The following FAM91A1 variants were observed in gnomAD, a reference collection of about 807,000 sequenced individuals.
The protein encoded by FAM91A1 is family with sequence similarity 91 member A1.
FAM91A1 carries 41 observed loss-of-function variants against 113.5 expected under a neutral mutation model. That is an observed-to-expected ratio of 0.36 (90% CI 0.28 to 0.47). FAM91A1 has a LOEUF of 0.47. Ranked by LOEUF, FAM91A1 falls within the 20% of genes least tolerant of loss-of-function variation. The probability of loss-of-function intolerance (pLI) is 1.00; values close to 1 mark genes in which losing one functional copy is unlikely to be tolerated. For synonymous variants in FAM91A1, 307 were observed against 347.9 expected, an observed-to-expected ratio of 0.88 and a Z score of 1.31; for missense variants, 696 against 1,001.2, an observed-to-expected ratio of 0.70 and a Z score of 4.11.
At chr8:123,801,154 A>G (rs1386808429) in intron 18 of FAM91A1, among the ~76,000 whole-genome samples, 1 of 152,146 alleles carries the variant, frequency 6.6e-6, no homozygotes, top group Admixed American at 6.5e-5. Flanking sequence ...GGCACTTGAT[A>G]TTATGTGGCT....
intron 15 of FAM91A1, among the ~76,000 whole-genome samples, chr8:123,795,735 G>C (rs67139073): frequency 0.26 from 39,062 of 152,074 alleles, 6,136 homozygotes; most frequent in African/African-American, 0.43. Context: ...TTTAATGCAT[G>C]CGAAAGTGTC....
chr8:123,796,003 A>C (rs77610922), intron 15 of FAM91A1, among the ~76,000 whole-genome samples: 2,475 of 152,286 alleles, frequency 0.016, 73 homozygotes, highest in African/African-American at 0.054. Context: ...TTTTCCCTGA[A>C]GTCAGGAAGT....
At chr8:123,799,420 G>A (rs371257981) in intron 16 of FAM91A1, 100 bp from the exon 17 acceptor site, 7 of 1,058,384 alleles carry the variant, frequency 6.6e-6, no homozygotes, top group East Asian at 5.2e-5. Flanking sequence ...GATAGTTGCA[G>A]TTAACATTTA....
chr8:123,774,621 T>G (rs1017634072), intron 2 of FAM91A1, among the ~76,000 whole-genome samples: 9 of 152,104 alleles, frequency 5.9e-5, no homozygotes, highest in Non-Finnish European at 1.3e-4. Flanking sequence ...TTTATCAGAT[T>G]ATTTTGGTTA....
chr8:123,784,370 C>T, intron 8 of FAM91A1, 100 bp from the exon 9 acceptor site: 9 of 793,690 alleles, frequency 1.1e-5, no homozygotes, highest in East Asian at 3.2e-5. Context: ...GCATTCAGTC[C>T]CTAAGTTAGA....
In FAM91A1 at chr8:123,793,614, G is replaced by A. The variant is rs140712469; in HGVS notation, c.1411+3869G>A. ...TTATGACATGCCTCCAGGTTTCTCC[G>A]CTAAGCAATTCTTTACTTTCTGGCC... On this transcript the variant is annotated intron_variant, in intron 15 of 23. Transcript: ENST00000334705. 2.2e-3 allele frequency among the ~76,000 whole-genome samples: 333 copies of A among 152,070 alleles called. 2 individuals carry two copies. The highest frequency in any genetic ancestry group is 7.5e-3 in the African/African-American group (311 of 41,448).
chr8:123,781,151 T>A (rs1815111039), intron 8 of FAM91A1, among the ~76,000 whole-genome samples: 1 of 152,208 alleles, frequency 6.6e-6, no homozygotes, highest in African/African-American at 2.4e-5. Flanking sequence ...ATAGGTTAGA[T>A]TTCTTACCAA....
chr8:123,789,781 A>G lies in FAM91A1; in HGVS notation c.1411+36A>G, dbSNP rs576879865. 17 of 1,595,048 alleles carry G rather than the reference A, an allele frequency of 1.1e-5. No individual in the cohort carries two copies. In the African/African-American group the frequency reaches 1.2e-4, roughly 11 times the overall value. ...TATATTTAATTTTGAAGACATGATCATATGAAACTTTTTTCTAAGAAATTA... is the reference window on the plus strand; with the variant it reads ...TATATTTAATTTTGAAGACATGATCGTATGAAACTTTTTTCTAAGAAATTA... On this transcript the variant is annotated intron_variant, in intron 15 of 23. Transcript: ENST00000334705.
chr8:123,792,111 G>A (rs1025139056), intron 15 of FAM91A1, among the ~76,000 whole-genome samples: 4 of 152,108 alleles, frequency 2.6e-5, no homozygotes, highest in African/African-American at 9.7e-5. Context: ...GGAGGCTGAG[G>A]TTGCAGTGAG....
At position 123,814,519 on chromosome 8, in the gene FAM91A1, G is replaced by T. The variant is rs1438749788; in HGVS notation, c.*1815G>T. 1.3e-5 allele frequency: 2 copies of T among 159,146 alleles called. No homozygotes were observed. The highest frequency in any genetic ancestry group is 4.8e-5 in the African/African-American group (2 of 41,476). 9.9% of individuals were successfully genotyped at this position (159,146 alleles called of 1,614,324 possible). A position where few individuals can be genotyped will look rare whatever the true frequency, so the allele number is the denominator to read the frequency against. ...GAACCCAGTTGTTGGTGAATTTAAA[G>T]CTTAAAATATGGGAATGATTTGCTG... On this transcript the variant is annotated 3_prime_UTR_variant, in exon 24 of 24. Coordinates refer to ENST00000334705, the MANE Select transcript of FAM91A1 (RefSeq NM_144963.4).
intron 19 of FAM91A1, 79 bp from the exon 20 acceptor site, chr8:123,805,999 TTG>T: frequency 7.6e-7 from 1 of 1,313,876 alleles, no homozygotes; most frequent in South Asian, 2.1e-5. Context: ...GTTCTAAGAG[TTG>T]TTTAATAAAG....
intron 14 of FAM91A1, among the ~76,000 whole-genome samples, 187 bp downstream of exon 14, chr8:123,787,937 A>C (rs561329859): frequency 6.6e-6 from 1 of 152,246 alleles, no homozygotes; most frequent in East Asian, 1.9e-4. Context: ...GGGTGAATTG[A>C]TTTTGTGATT....
intron 15 of FAM91A1, among the ~76,000 whole-genome samples, chr8:123,797,631 A>G (rs543781015): frequency 7.2e-5 from 11 of 152,348 alleles, no homozygotes; most frequent in African/African-American, 2.4e-4. Context: ...CATATAACAT[A>G]TAAAATATGT....
At chr8:123,801,997 G>A (rs567387870) in intron 18 of FAM91A1, among the ~76,000 whole-genome samples, 71 of 152,250 alleles carry the variant, frequency 4.7e-4, no homozygotes, top group Middle Eastern at 3.4e-3. Context: ...TCAGAGACAA[G>A]TCTGGAGAAG....
chr8:123,799,925 A>C (rs747350279), intron 18 of FAM91A1, 40 bp downstream of exon 18: 2 of 1,487,044 alleles, frequency 1.3e-6, no homozygotes, highest in Admixed American at 4.1e-5. Context: ...TTTTATTATA[A>C]AGTTGATAAT....
In FAM91A1 at chr8:123,814,696, TG is replaced by T. The variant is rs1816032808; in HGVS notation, c.*1994del. ...CATCTGATTCCGAGCTGAAGACCTC[TG>T]GTCCTCTTAAGGAGGGAGAGTGCAT... On this transcript the variant is annotated 3_prime_UTR_variant, in exon 24 of 24. Transcript: ENST00000334705. 6.6e-6 allele frequency: 1 copy of T among 152,382 alleles called. No individual in the cohort carries two copies. Among genetic ancestry groups the T allele is most frequent in the African/African-American group, 2.4e-5 (1 of 41,432 alleles). The allele number at this position is 152,382 out of a possible 1,614,324, so 9.4% of individuals were successfully genotyped here. A position where few individuals can be genotyped will look rare whatever the true frequency, so the allele number is the denominator to read the frequency against.
intron 23 of FAM91A1, chr8:123,812,308 T>C (rs945424202): frequency 1.3e-5 from 5 of 395,426 alleles, no homozygotes; most frequent in African/African-American, 1.0e-4. Context: ...TAAAAGGACT[T>C]ACTACAGTTT....
At chr8:123,776,107 CTT>C (rs1320115613) in intron 3 of FAM91A1, among the ~76,000 whole-genome samples, 1 of 152,178 alleles carries the variant, frequency 6.6e-6, no homozygotes, top group East Asian at 1.9e-4. Flanking sequence ...CTGTTAATCT[CTT>C]TCTATAATTA....
chr8:123,806,283 CAG>C (rs1815809595), intron 20 of FAM91A1, 54 bp downstream of exon 20: 7 of 1,547,424 alleles, frequency 4.5e-6, no homozygotes, highest in African/African-American at 1.4e-5. Flanking sequence ...GAGTTTGACA[CAG>C]TGTTAATATA....
Sources: gnomAD v4.1 joint callset for allele counts (sites outside exome capture counted in the v4.1 genomes callset) on GRCh38, gnomAD v4.1.1 for gene constraint, MANE v1.5 for transcripts, NCBI Gene and HGNC (gene_info 2026-07-23, HGNC 2026-07-21) for gene names.